The following LZTS2 variants were observed in gnomAD, a reference collection of about 807,000 sequenced individuals.
LZTS2 encodes leucine zipper tumor suppressor 2.
Under a neutral mutation model 60.6 loss-of-function variants are expected in LZTS2, and 32 were observed. The observed-to-expected ratio is 0.53, with a 90% CI of 0.40 to 0.71. The LOEUF is 0.71. LZTS2 is among the 30% of genes least tolerant of loss of function. The pLI is 0.00. For missense variants in LZTS2, 792 were observed against 901.9 expected (o/e 0.88, Z 1.56); for synonymous variants, 360 against 393.1 (o/e 0.92, Z 1.00).
exon 4 of LZTS2, chr10:101,007,117 C>A (rs760102695): frequency 6.2e-7 from 1 of 1,609,706 alleles, no homozygotes; most frequent in Admixed American, 1.7e-5. Context: ...TGGGCCTGGC[C>A]GAGCAGGCCC....
At chr10:101,007,192 G>C in exon 4 of LZTS2, 2 of 1,526,754 alleles carry the variant, frequency 1.3e-6, no homozygotes, top group Non-Finnish European at 1.8e-6. Context: ...CAGCTCTGTA[G>C]GGAGCTCTGC....
At chr10:100,998,903 C>T (rs1272791483), upstream of LZTS2, 1 of 152,490 alleles carries the variant, frequency 6.6e-6, no homozygotes, top group Non-Finnish European at 1.5e-5. Flanking sequence ...GGAACGCGGA[C>T]CCACGTGACG....
At chr10:101,007,491 G>A (rs1161278205) in exon 4 of LZTS2, 3 of 1,400,498 alleles carry the variant, frequency 2.1e-6, no homozygotes. Flanking sequence ...GGGGAGCAGG[G>A]AAGAAGAAGG....
At chr10:101,002,995 C>T (rs1852079672) in intron 1 of LZTS2, 49 bp downstream of exon 2, 1 of 1,536,090 alleles carries the variant, frequency 6.5e-7, no homozygotes, top group Non-Finnish European at 8.7e-7. Context: ...GGAGTCCTCG[C>T]TTGGGAAACT....
chr10:101,006,623 G>A, exon 4 of LZTS2: 1 of 1,599,010 alleles, frequency 6.3e-7, no homozygotes, highest in Non-Finnish European at 8.5e-7. Context: ...GCGGGTCAGT[G>A]AGGGCCGTGC....
At chr10:101,002,621 G>C in exon 1 of LZTS2, 1 of 1,596,798 alleles carries the variant, frequency 6.3e-7, no homozygotes, top group African/African-American at 1.3e-5. Context: ...GTCATGGGTA[G>C]TGTGAGCAGC....
exon 1 of LZTS2, chr10:101,002,469 G>A: frequency 6.9e-7 from 1 of 1,449,472 alleles, no homozygotes; most frequent in South Asian, 1.5e-5. Flanking sequence ...AAGGTGGAGG[G>A]ACTCTGACAC....
chr10:100,998,768 G>A (rs559396879), upstream of LZTS2: 1 of 152,506 alleles, frequency 6.6e-6, no homozygotes, highest in South Asian at 2.1e-4. Flanking sequence ...AGATGGTTAG[G>A]AGACTAAGTG....
chr10:101,002,728 C>A (rs774473570), exon 1 of LZTS2: 12 of 1,612,454 alleles, frequency 7.4e-6, no homozygotes, highest in Non-Finnish European at 1.0e-5. Context: ...TGGCCTGCTA[C>A]GGGGTGGCTA....
chr10:101,004,069 T>C (rs1253876921), exon 2 of LZTS2: 4 of 1,613,378 alleles, frequency 2.5e-6, no homozygotes, highest in Non-Finnish European at 2.5e-6. Context: ...GATGAGGCCC[T>C]GCTGCACTGT....
At chr10:101,005,310 A>G (rs1852147560) in intron 2 of LZTS2, 148 bp from the exon 4 acceptor site, 1 of 892,940 alleles carries the variant, frequency 1.1e-6, no homozygotes. Context: ...TGATCATCAT[A>G]AAAGCAGTTA....
chr10:100,999,507 T>G (rs946149593), exon 1 of LZTS2: 3 of 152,170 alleles, frequency 2.0e-5, no homozygotes, highest in African/African-American at 7.3e-5. Context: ...CCCTTTGTGC[T>G]GGAACAATGA....
chr10:100,999,332 T>C (rs1322107899), upstream of LZTS2: 1 of 152,252 alleles, frequency 6.6e-6, no homozygotes, highest in Non-Finnish European at 1.5e-5. Context: ...CAGGCGCGGA[T>C]CGAGCCTCGG....
intron 1 of LZTS2, chr10:101,003,240 A>T: frequency 1.9e-6 from 1 of 526,480 alleles, no homozygotes; most frequent in Non-Finnish European, 3.2e-6. Flanking sequence ...CACCAGTTAT[A>T]CGTTTGACTT....
chr10:100,999,349 A>C (rs1851977771), upstream of LZTS2: 1 of 152,108 alleles, frequency 6.6e-6, no homozygotes, highest in Non-Finnish European at 1.5e-5. Flanking sequence ...TCGGCCTCCT[A>C]CTCGGGCTAG....
At chr10:101,005,296 T>C (rs994566119) in intron 2 of LZTS2, among the ~76,000 whole-genome samples, 162 bp from the exon 4 acceptor site, 2 of 152,186 alleles carry the variant, frequency 1.3e-5, no homozygotes, top group Non-Finnish European at 2.9e-5. Context: ...TGTGTTTGTT[T>C]CTATGATCAT....
chr10:101,001,265 C>T (rs1464496341), exon 1 of LZTS2: 1 of 152,304 alleles, frequency 6.6e-6, no homozygotes, highest in Non-Finnish European at 1.5e-5. Flanking sequence ...TTATAACTTT[C>T]ACAGGCTTTC....
intron 1 of LZTS2, chr10:101,003,147 G>A: frequency 1.5e-6 from 1 of 671,760 alleles, no homozygotes; most frequent in Non-Finnish European, 2.4e-6. Context: ...GAACTGACAT[G>A]AAGGTCAAAT....
At chr10:101,002,288 G>A in exon 1 of LZTS2, 4 of 375,800 alleles carry the variant, frequency 1.1e-5, no homozygotes, top group Non-Finnish European at 1.9e-5. Context: ...TCTCTGCTGA[G>A]TGAATTCACT....
Sources: gnomAD v4.1 joint callset for allele counts (sites outside exome capture counted in the v4.1 genomes callset) on GRCh38, gnomAD v4.1.1 for gene constraint, MANE v1.5 for transcripts, NCBI Gene and HGNC (gene_info 2026-07-23, HGNC 2026-07-21) for gene names.